SLC26A9: variants seen among roughly 807,000 people sequenced by gnomAD.
The protein encoded by SLC26A9 is solute carrier family 26 member 9.
A neutral mutation model predicts 87.1 loss-of-function variants in SLC26A9; 46 were observed. That is an observed-to-expected ratio of 0.53 (90% CI 0.42 to 0.67). The LOEUF is 0.67. Ranked by LOEUF, SLC26A9 falls within the 30% of genes least tolerant of loss-of-function variation. The pLI, the probability that SLC26A9 is intolerant of heterozygous loss-of-function variation, is 0.00. For synonymous variants in SLC26A9, 437 were observed against 409.1 expected, an observed-to-expected ratio of 1.07 and a Z score of -0.82; for missense variants, 927 against 1,018.3, an observed-to-expected ratio of 0.91 and a Z score of 1.22.
chr1:205,923,655 G>A (rs765038983), intron 13 of SLC26A9, 42 bp from the exon 14 acceptor site: 2 of 1,612,144 alleles, frequency 1.2e-6, no homozygotes, highest in African/African-American at 2.7e-5. Flanking sequence ...GAATGCTAAT[G>A]GCACATGGGC....
chr1:205,929,310 G>A lies in SLC26A9; in HGVS notation c.764C>T (p.Ser255Leu), dbSNP rs754354952. Residue 255 changes from serine (S) to leucine (L), a missense_variant, in exon 7 of 21, where the codon TCG (serine) becomes TTG (leucine). Ser to Leu is a moderately radical substitution (Grantham distance 145). Coordinates refer to ENST00000367135, the MANE Select transcript of SLC26A9 (RefSeq NM_052934.4). ...CKNLPHTNIASLIFALISGAF... is the reference protein window; with the variant it reads ...CKNLPHTNIALLIFALISGAF... ...ACCGCTGATGAGAGCGAAGATGAGCGAGGCGATGTTGGTGTGGGGGAGGTT... is the reference window on the plus strand; with the variant it reads ...ACCGCTGATGAGAGCGAAGATGAGCAAGGCGATGTTGGTGTGGGGGAGGTT... 4.3e-5 allele frequency: 69 copies of A among 1,614,110 alleles called. No individual in the cohort carries two copies. Among genetic ancestry groups the A allele is most frequent in the Non-Finnish European group, 5.2e-5 (61 of 1,180,042 alleles).
Position 205,917,356 on chromosome 1 carries a change from T to C in SLC26A9, c.2257-2A>G, listed in dbSNP as rs1367301873. ...GGAGAGCTCAGCATCCCCTGGAGCC[T>C]GGAAGGGAGGAAGCCAGTGCAGAAT... On this transcript the variant is annotated splice_acceptor_variant, in intron 19 of 20. Transcript: ENST00000367135. LOFTEE classifies it high-confidence loss of function. 2 of 1,613,906 alleles carry C rather than the reference T, an allele frequency of 1.2e-6. No individual in the cohort carries two copies. The highest frequency in any genetic ancestry group is 2.2e-5 in the East Asian group (1 of 44,866).
At chr1:205,938,793 C>G (rs1659621434) in intron 1 of SLC26A9, among the ~76,000 whole-genome samples, 1 of 152,216 alleles carries the variant, frequency 6.6e-6, no homozygotes, top group African/African-American at 2.4e-5. Context: ...AAGGATTTCT[C>G]TTTCTCCCAG....
Position 205,917,286 on chromosome 1 carries a change from C to T in SLC26A9, c.2325G>A (p.Glu775=), listed in dbSNP as rs201519901. The change falls in exon 20 of 21, where the codon GAG becomes GAA. Residue 775 remains glutamate, a synonymous_variant. Coordinates refer to ENST00000367135, the MANE Select transcript of SLC26A9 (RefSeq NM_052934.4). ...ACAGCCCCTTCCCTCAGCTCACCTGCTCTAAGTCCCAGTAGCTGCGAATGT... is the reference window on the plus strand; with the variant it reads ...ACAGCCCCTTCCCTCAGCTCACCTGTTCTAAGTCCCAGTAGCTGCGAATGT... ...EEDIRSYWDL[E]QEMFGSMFHA... 1.2e-4 allele frequency: 187 copies of T among 1,613,996 alleles called. No individual in the cohort carries two copies. The highest frequency in any genetic ancestry group is 1.4e-4 in the Non-Finnish European group (170 of 1,179,996).
chr1:205,918,006 C>CTG (rs1402070899), intron 19 of SLC26A9, among the ~76,000 whole-genome samples: 5 of 152,178 alleles, frequency 3.3e-5, no homozygotes, highest in Admixed American at 3.3e-4. Flanking sequence ...AGCCAGCGCC[C>CTG]TGTGTGTTCC....
At chr1:205,941,135 C>T (rs1659726421) in intron 1 of SLC26A9, among the ~76,000 whole-genome samples, 1 of 152,082 alleles carries the variant, frequency 6.6e-6, no homozygotes, top group African/African-American at 2.4e-5. Context: ...GAGGCCTCTG[C>T]ACCCCTAAGG....
At chr1:205,916,773 C>A (rs1314695870) in intron 20 of SLC26A9, among the ~76,000 whole-genome samples, 2 of 152,130 alleles carry the variant, frequency 1.3e-5, no homozygotes, top group African/African-American at 4.8e-5. Flanking sequence ...CAGTGACTCA[C>A]CCTCTCCCCA....
chr1:205,917,945 C>T (rs1185091376), intron 19 of SLC26A9, among the ~76,000 whole-genome samples: 1 of 152,216 alleles, frequency 6.6e-6, no homozygotes, highest in Non-Finnish European at 1.5e-5. Flanking sequence ...ATTCACGAAG[C>T]AGGAAAGCCC....
rs893383834 is a variant in SLC26A9 at position 205,914,764 on chromosome 1, G to T, written c.*593C>A. On this transcript the variant is annotated 3_prime_UTR_variant, in exon 21 of 21. Transcript: ENST00000367135. ...TGGGCAGCCTTGGGGATGATGGAGG[G>T]GGGGCGCATAGTTACCAAGGCCTAG... The T allele has an allele frequency of 4.3e-6, 5 of 1,176,006 alleles. No individual in the cohort carries two copies. Among genetic ancestry groups the T allele is most frequent in the Admixed American group, 4.8e-5 (2 of 41,936 alleles). The allele number at this position is 1,176,006 out of a possible 1,614,324, so 72.8% of individuals were successfully genotyped here.
At chr1:205,940,664 T>C (rs1228976637) in intron 1 of SLC26A9, among the ~76,000 whole-genome samples, 1 of 152,090 alleles carries the variant, frequency 6.6e-6, no homozygotes, top group Non-Finnish European at 1.5e-5. Flanking sequence ...CAGGACTTGA[T>C]GAGAGGAACA....
At chr1:205,937,281 C>T (rs556597135) in intron 1 of SLC26A9, among the ~76,000 whole-genome samples, 13 of 152,262 alleles carry the variant, frequency 8.5e-5, no homozygotes, top group East Asian at 7.7e-4. Context: ...CTACCCCCAG[C>T]GCCTGTGCCC....
rs545727997 is a variant in SLC26A9 at position 205,921,777 on chromosome 1, G to A, written c.1844C>T (p.Thr615Ile). 3 of 1,604,572 alleles carry A rather than the reference G, an allele frequency of 1.9e-6. No individual in the cohort carries two copies. In the South Asian group the frequency reaches 3.4e-5, roughly 18 times the overall value. Residue 615 changes from threonine (T) to isoleucine (I), a missense_variant, in exon 17 of 21, where the codon ACC becomes ATC. Physicochemically the swap from Thr to Ile is moderately conservative, Grantham distance 89. Transcript: ENST00000367135. ...GGACACGCTGGTGCCGTTAGCCGGG[G>A]TCTGGTTGTTGTTGGGGTCGGTGGG... ...APPTDPNNNQTPANGTSVSYI... is the reference protein window; with the variant it reads ...APPTDPNNNQIPANGTSVSYI...
At chr1:205,940,729 G>T (rs1659705816) in intron 1 of SLC26A9, among the ~76,000 whole-genome samples, 2 of 152,204 alleles carry the variant, frequency 1.3e-5, no homozygotes, top group Admixed American at 1.3e-4. Flanking sequence ...ACTGTGAGGG[G>T]TCCATTTGTG....
intron 12 of SLC26A9, 70 bp downstream of exon 12, chr1:205,926,463 GGC>G: frequency 1.6e-6 from 2 of 1,253,278 alleles, no homozygotes; most frequent in Non-Finnish European, 1.2e-6. Flanking sequence ...GTTAGGACAG[GGC>G]TGACAGGGCT....
intron 5 of SLC26A9, 131 bp from the exon 6 acceptor site, chr1:205,930,187 A>G: frequency 2.1e-6 from 2 of 936,092 alleles, no homozygotes; most frequent in Non-Finnish European, 1.5e-6. Flanking sequence ...AGGGAATTGG[A>G]CCATCTGTGA....
intron 16 of SLC26A9, 118 bp downstream of exon 16, chr1:205,922,964 T>C (rs1658902911): frequency 2.4e-6 from 2 of 839,754 alleles, no homozygotes; most frequent in Non-Finnish European, 4.0e-6. Flanking sequence ...TCCCAGAGAC[T>C]TTCTGTCTTT....
intron 6 of SLC26A9, 34 bp from the exon 7 acceptor site, chr1:205,929,390 A>G (rs1232347083): frequency 1.2e-6 from 2 of 1,606,142 alleles, no homozygotes; most frequent in Non-Finnish European, 1.7e-6. Context: ...ACAGGCTCCC[A>G]CCCCTTCTTC....
In SLC26A9 at chr1:205,928,833, T is replaced by A; in HGVS notation, c.947A>T (p.Gln316Leu). 1 of 1,614,164 alleles carries A rather than the reference T, an allele frequency of 6.2e-7. No homozygotes were observed. Among genetic ancestry groups the A allele is most frequent in the Non-Finnish European group, 8.5e-7 (1 of 1,180,020 alleles). ...CTGGGCCACCTGGACTCACCCGCGT[T>A]GGATTTCTCCCACGATCTGCATGTG... is the stretch of plus-strand genomic sequence containing the variant. ...KYHMQIVGEI[Q>L]RGFPTPVSPV... The change falls in exon 8 of 21, where the codon CAA (glutamine) becomes CTA (leucine). Residue 316 changes from glutamine to leucine, a missense_variant. By Grantham distance (113) the Gln-to-Leu change is moderately radical. Transcript: ENST00000367135.
chr1:205,923,138 C>G lies in SLC26A9; in HGVS notation c.1717G>C (p.Glu573Gln). Residue 573 changes from glutamate to glutamine, a missense_variant, in exon 16 of 21, where the codon GAG (glutamate) becomes CAG (glutamine). Glu to Gln is a conservative substitution (Grantham distance 29). Coordinates refer to ENST00000367135, the MANE Select transcript of SLC26A9 (RefSeq NM_052934.4). ...LAKQKYLKKQEKRRMRPTQQR... is the reference protein window; with the variant it reads ...LAKQKYLKKQQKRRMRPTQQR... The stretch of plus-strand genomic sequence containing the variant: ...TGTGTGGGCCTCATTCTCCGCTTCT[C>G]CTGCTTCTTGAGGTATTTTTGCTTG... 2 of 1,614,158 alleles carry G rather than the reference C, an allele frequency of 1.2e-6. No individual in the cohort carries two copies. Among genetic ancestry groups the G allele is most frequent in the Non-Finnish European group, 8.5e-7 (1 of 1,180,042 alleles).
Sources: gnomAD v4.1 joint callset for allele counts (sites outside exome capture counted in the v4.1 genomes callset) on GRCh38, gnomAD v4.1.1 for gene constraint, MANE v1.5 for transcripts, NCBI Gene and HGNC (gene_info 2026-07-23, HGNC 2026-07-21) for gene names.